Variants in MAP3K2 observed in about 807,000 individuals in gnomAD.
MAP3K2 encodes mitogen-activated protein kinase kinase kinase 2.
In MAP3K2, 24 loss-of-function variants were observed where a neutral mutation model predicts 80.3. The ratio of observed to expected loss-of-function variants is 0.30; its 90% CI spans 0.22 to 0.42. The LOEUF (loss-of-function observed/expected upper bound fraction) is 0.42. MAP3K2 is among the 10% of genes least tolerant of loss of function. The probability of loss-of-function intolerance (pLI) is 1.00; values close to 1 mark genes in which losing one functional copy is unlikely to be tolerated. For synonymous variants in MAP3K2, 244 were observed against 253.7 expected (o/e 0.96, Z 0.36); for missense variants, 608 against 750.1 (o/e 0.81, Z 2.21).
At chr2:127,384,637 T>C (rs193282246) in intron 1 of MAP3K2, among the ~76,000 whole-genome samples, 17 of 152,098 alleles carry the variant, frequency 1.1e-4, no homozygotes, top group Admixed American at 7.9e-4. Flanking sequence ...AGATGAAAAG[T>C]TGCTTCTTAT....
rs529444562 is a variant in MAP3K2, at chr2:127,376,994, G to A, written c.-66+10458C>T. On this transcript the variant is annotated intron_variant, in intron 1 of 16. Coordinates refer to ENST00000682094, the MANE Select transcript of MAP3K2 (RefSeq NM_001371910.2). ...GAGGAATGCTTGAGTCTGGGAGGTC[G>A]AGGATGCAGTGAGCAGTGATCCTGA... Among the ~76,000 whole-genome samples the A allele has an allele frequency of 2.3e-3, 348 of 151,888 alleles. 5 individuals carry two copies. The highest frequency in any genetic ancestry group is 2.0e-3 in the Non-Finnish European group (135 of 67,966).
chr2:127,314,335 G>A (rs1283954180), intron 15 of MAP3K2, among the ~76,000 whole-genome samples: 5 of 152,150 alleles, frequency 3.3e-5, no homozygotes, highest in African/African-American at 9.7e-5. Flanking sequence ...AGAATCCTAT[G>A]AGCTGGATAC....
At chr2:127,370,211 G>A (rs777050748) in intron 1 of MAP3K2, among the ~76,000 whole-genome samples, 9 of 152,180 alleles carry the variant, frequency 5.9e-5, no homozygotes, top group Admixed American at 2.0e-4. Context: ...TGCCCGCAGC[G>A]CAAGCACAGG....
At chr2:127,312,274 A>G (rs188545248) in intron 15 of MAP3K2, among the ~76,000 whole-genome samples, 71 of 152,346 alleles carry the variant, frequency 4.7e-4, no homozygotes, top group African/African-American at 1.6e-3. Flanking sequence ...ACGGAACAAA[A>G]ACAAAGGCAG....
chr2:127,326,933 T>A, intron 7 of MAP3K2, 116 bp from the exon 8 acceptor site: 1 of 627,516 alleles, frequency 1.6e-6, no homozygotes, highest in Non-Finnish European at 2.5e-6. Context: ...GAAAATTCAA[T>A]TTTTATTAAA....
At chr2:127,365,110 C>A (rs1686948133) in intron 1 of MAP3K2, among the ~76,000 whole-genome samples, 1 of 70,124 alleles carries the variant, frequency 1.4e-5, no homozygotes, top group Non-Finnish European at 2.7e-5. Flanking sequence ...GAGTGAGACT[C>A]TGCCTCAAAA....
intron 12 of MAP3K2, among the ~76,000 whole-genome samples, chr2:127,320,741 C>T (rs1450372213): frequency 1.3e-5 from 2 of 152,242 alleles, no homozygotes; most frequent in African/African-American, 4.8e-5. Flanking sequence ...AAGCATATTA[C>T]ATATGGAGGA....
At chr2:127,337,610 G>T (rs2104841930) in intron 4 of MAP3K2, 128 bp downstream of exon 4, 1 of 593,392 alleles carries the variant, frequency 1.7e-6, no homozygotes, top group South Asian at 2.2e-5. Context: ...ACATTCCCAA[G>T]GACTACTCTA....
chr2:127,362,155 C>T (rs150292953), intron 1 of MAP3K2, among the ~76,000 whole-genome samples: 1 of 152,338 alleles, frequency 6.6e-6, no homozygotes, highest in East Asian at 1.9e-4. Flanking sequence ...AAAATAAAGA[C>T]AGCAAGAAGA....
At chr2:127,315,876 G>T (rs1285912481) in intron 14 of MAP3K2, among the ~76,000 whole-genome samples, 3 of 152,142 alleles carry the variant, frequency 2.0e-5, no homozygotes, top group Non-Finnish European at 4.4e-5. Flanking sequence ...CCTGAGGTCA[G>T]GAGTTCGAGA....
At chr2:127,359,129 T>C (rs375586530) in intron 1 of MAP3K2, among the ~76,000 whole-genome samples, 1 of 152,122 alleles carries the variant, frequency 6.6e-6, no homozygotes, top group South Asian at 2.1e-4. Context: ...TACATCACTA[T>C]ACTATACAAC....
intron 14 of MAP3K2, among the ~76,000 whole-genome samples, chr2:127,315,516 G>C (rs1034647026): frequency 6.6e-6 from 1 of 152,170 alleles, no homozygotes; most frequent in Non-Finnish European, 1.5e-5. Flanking sequence ...AGAGCATTTT[G>C]CAATTCTGTG....
chr2:127,341,191 G>A (rs944126387), intron 2 of MAP3K2, among the ~76,000 whole-genome samples: 11 of 151,800 alleles, frequency 7.2e-5, no homozygotes, highest in South Asian at 2.1e-4. Context: ...GGGTTTCACC[G>A]AGTTAGCCAG....
intron 1 of MAP3K2, among the ~76,000 whole-genome samples, chr2:127,377,773 T>A (rs1365428001): frequency 6.6e-6 from 1 of 152,192 alleles, no homozygotes. Flanking sequence ...AAGACATGTC[T>A]TTATAAAACA....
chr2:127,372,836 A>G (rs1184151572), intron 1 of MAP3K2, among the ~76,000 whole-genome samples: 2 of 152,168 alleles, frequency 1.3e-5, no homozygotes, highest in Non-Finnish European at 2.9e-5. Flanking sequence ...AGAACCATCA[A>G]ACAGCCCCTG....
At chr2:127,358,917 T>TA (rs564351324) in intron 1 of MAP3K2, among the ~76,000 whole-genome samples, 232 of 133,250 alleles carry the variant, frequency 1.7e-3, no homozygotes, top group East Asian at 4.3e-3. Flanking sequence ...TCCAAAACAA[T>TA]AAAAAAAAAA....
At chr2:127,341,668 G>C (rs1398619883) in intron 2 of MAP3K2, among the ~76,000 whole-genome samples, 1 of 151,534 alleles carries the variant, frequency 6.6e-6, no homozygotes, top group East Asian at 1.9e-4. Flanking sequence ...GAGTAGCTGG[G>C]ACTACAGGCG....
At chr2:127,326,860 G>A (rs773263110) in intron 7 of MAP3K2, 43 bp from the exon 8 acceptor site, 1 of 1,376,580 alleles carries the variant, frequency 7.3e-7, no homozygotes, top group South Asian at 1.6e-5. Context: ...ATAGGCAAGG[G>A]AATCAAGTTT....
intron 1 of MAP3K2, among the ~76,000 whole-genome samples, chr2:127,383,961 C>T (rs369990947): frequency 1.1e-4 from 16 of 151,406 alleles, no homozygotes; most frequent in African/African-American, 3.4e-4. Flanking sequence ...GCAAGCTCCA[C>T]CTCCCGGGTT....
Sources: allele counts gnomAD v4.1 joint callset (sites outside exome capture counted in the v4.1 genomes callset), GRCh38; gene constraint gnomAD v4.1.1; transcripts MANE v1.5; gene names NCBI Gene and HGNC (gene_info 2026-07-23, HGNC 2026-07-21).